Variants in CFAP47 observed in about 807,000 individuals in gnomAD.
The protein encoded by CFAP47 is cilia and flagella associated protein 47.
A neutral mutation model predicts 148.1 loss-of-function variants in CFAP47; 29 were observed. The ratio of observed to expected loss-of-function variants is 0.20; its 90% CI spans 0.15 to 0.27. The LOEUF (loss-of-function observed/expected upper bound fraction) is 0.27, where lower values mean the gene tolerates loss of function less well. Among genes scored for constraint, CFAP47 ranks in the 10% least tolerant of loss-of-function variants. The pLI is 1.00. For synonymous variants in CFAP47, 664 were observed against 577.3 expected (o/e 1.15, Z -2.15); for missense variants, 1,872 against 1,697.5 (o/e 1.10, Z -1.81).
chrX:36,365,039 A>G (rs1230887529), intron 61 of CFAP47, among the ~76,000 whole-genome samples: 1 of 105,718 alleles, frequency 9.5e-6, no homozygotes, highest in Non-Finnish European at 2.0e-5. Context: ...AAGAAAAACC[A>G]AAAGAAAACA....
intron 38 of CFAP47, among the ~76,000 whole-genome samples, chrX:36,160,252 C>T (rs1343175739): frequency 9.0e-6 from 1 of 111,311 alleles, no homozygotes; most frequent in Admixed American, 9.6e-5. Flanking sequence ...TTGTCACTTC[C>T]TATGTGTAAT....
At chrX:36,080,851 A>G (rs112265189) in intron 29 of CFAP47, among the ~76,000 whole-genome samples, 2,893 of 111,616 alleles carry the variant, frequency 0.026, 93 homozygotes, top group African/African-American at 0.09. Flanking sequence ...AATGGGTGCA[A>G]CAAACCAACA....
At chrX:35,948,798 T>C (rs1056972953) in intron 4 of CFAP47, among the ~76,000 whole-genome samples, 25 of 109,773 alleles carry the variant, frequency 2.3e-4, no homozygotes, top group African/African-American at 7.0e-4. Flanking sequence ...TGTGTGTGTG[T>C]GCGTGTGTGT....
chrX:36,075,201 TTTTATTTATTTA>T (rs34532797), intron 29 of CFAP47, among the ~76,000 whole-genome samples: 36 of 106,615 alleles, frequency 3.4e-4, no homozygotes, highest in Admixed American at 2.1e-3. Context: ...TATGTATTAT[TTTTATTTATTTA>T]TTTATTTATT....
At chrX:36,107,481 A>G (rs1252713692) in intron 33 of CFAP47, among the ~76,000 whole-genome samples, 1 of 112,616 alleles carries the variant, frequency 8.9e-6, no homozygotes, top group African/African-American at 3.2e-5. Flanking sequence ...AAATAAATCA[A>G]TGGCTAAATG....
chrX:36,240,952 A>G (rs1555995906), intron 48 of CFAP47, among the ~76,000 whole-genome samples: 1 of 111,368 alleles, frequency 9.0e-6, no homozygotes, highest in African/African-American at 3.3e-5. Context: ...GATAGAGACA[A>G]AAATATCCAG....
At chrX:36,362,234 G>A (rs1354492452) in intron 61 of CFAP47, among the ~76,000 whole-genome samples, 2 of 112,274 alleles carry the variant, frequency 1.8e-5, no homozygotes, top group Non-Finnish European at 3.8e-5. Context: ...TTTAGATACA[G>A]GAAGTATATT....
At chrX:36,211,421 T>A (rs782343403) in intron 45 of CFAP47, 17 of 235,120 alleles carry the variant, frequency 7.2e-5, no homozygotes, top group Non-Finnish European at 1.2e-4. Flanking sequence ...CGGCCTTTTT[T>A]CTGTTCTGTT....
intron 1 of CFAP47, among the ~76,000 whole-genome samples, chrX:35,924,538 T>C (rs1935702028): frequency 4.7e-5 from 5 of 105,603 alleles, no homozygotes; most frequent in Non-Finnish European, 9.8e-5. Context: ...CACATATATG[T>C]GCACCTATAT....
chrX:36,338,433 G>A (rs1302804600), intron 57 of CFAP47, among the ~76,000 whole-genome samples: 1 of 111,091 alleles, frequency 9.0e-6, no homozygotes, highest in Admixed American at 9.6e-5. Flanking sequence ...CTCTGATACA[G>A]CTCTTTTAAT....
At chrX:36,377,125 T>G (rs1404371938) in intron 62 of CFAP47, among the ~76,000 whole-genome samples, 4 of 111,495 alleles carry the variant, frequency 3.6e-5, no homozygotes, top group Admixed American at 9.6e-5. Flanking sequence ...TTATAATCCT[T>G]TGGGTATATA....
chrX:36,191,538 G>A (rs1333193906), intron 42 of CFAP47, among the ~76,000 whole-genome samples: 1 of 111,695 alleles, frequency 9.0e-6, no homozygotes, highest in Non-Finnish European at 1.9e-5. Context: ...TCAGTACAAA[G>A]TATTGCATTG....
intron 2 of CFAP47, among the ~76,000 whole-genome samples, chrX:35,936,932 C>A (rs1318398082): frequency 9.3e-6 from 1 of 107,809 alleles, no homozygotes; most frequent in Middle Eastern, 4.4e-3. Flanking sequence ...GTCTTCTGAG[C>A]AGATAGAAAA....
Position 36,206,536 on chromosome X carries a change from A to G in CFAP47, c.6817+1426A>G, listed in dbSNP as rs190520954. Among the ~76,000 whole-genome samples, 38 of 111,939 alleles carry G rather than the reference A, an allele frequency of 3.4e-4. 2 individuals carry two copies. The East Asian group carries it at 9.0e-3, about 27-fold the overall frequency. ...AGATAAGTGTTATATATAGACACATATAGAATGTGTTTATAAATAAAATTA... is the reference window on the plus strand; with the variant it reads ...AGATAAGTGTTATATATAGACACATGTAGAATGTGTTTATAAATAAAATTA... On this transcript the variant is annotated intron_variant, in intron 45 of 63. Coordinates refer to ENST00000378653, the MANE Select transcript of CFAP47 (RefSeq NM_001304548.2).
At chrX:36,318,711 T>C (rs1293856106) in intron 56 of CFAP47, among the ~76,000 whole-genome samples, 6 of 112,280 alleles carry the variant, frequency 5.3e-5, no homozygotes, top group African/African-American at 1.9e-4. Flanking sequence ...AACCCATGGA[T>C]ACAGAAGGCC....
chrX:35,995,332 A>T (rs910675812), intron 18 of CFAP47, among the ~76,000 whole-genome samples: 5 of 111,811 alleles, frequency 4.5e-5, no homozygotes, highest in African/African-American at 1.6e-4. Flanking sequence ...ATCAACATTA[A>T]GAAATCCAGG....
chrX:36,103,291 C>T (rs981405734), intron 32 of CFAP47, among the ~76,000 whole-genome samples: 5 of 107,755 alleles, frequency 4.6e-5, no homozygotes, highest in Admixed American at 1.0e-4. Context: ...AATCAGGTTT[C>T]GCTGTGGGCA....
chrX:36,104,499 G>T lies in CFAP47; in HGVS notation c.5128G>T (p.Val1710Phe). The T allele has an allele frequency of 1.3e-6, 1 of 785,065 alleles. No individual in the cohort carries two copies. The highest frequency in any genetic ancestry group is 1.7e-6 in the Non-Finnish European group (1 of 577,512). 64.7% of individuals were successfully genotyped at this position (785,065 alleles called of 1,213,427 possible). ...TAAAAGTTATCTCTCCCAATTTCAG[G>T]TTTTGGTTCTATCCCGTGTAGTGCC... ...WTDVFLQIYK[V>F]LVLSRVVPYC... Residue 1710 changes from valine (V) to phenylalanine (F), a missense_variant and splice_region_variant, in exon 33 of 64, where the codon GTT becomes TTT. Physicochemically the swap from Val to Phe is conservative, Grantham distance 50. Coordinates refer to ENST00000378653, the MANE Select transcript of CFAP47 (RefSeq NM_001304548.2).
intron 45 of CFAP47, among the ~76,000 whole-genome samples, chrX:36,228,138 T>C (rs782263661): frequency 8.0e-5 from 9 of 112,056 alleles, no homozygotes; most frequent in Admixed American, 3.8e-4. Flanking sequence ...CTCTAAGTCA[T>C]AGAAATGTGG....
Sources: gnomAD v4.1 joint callset for allele counts (sites outside exome capture counted in the v4.1 genomes callset) on GRCh38, gnomAD v4.1.1 for gene constraint, MANE v1.5 for transcripts, NCBI Gene and HGNC (gene_info 2026-07-23, HGNC 2026-07-21) for gene names.